Variants in MYO18B observed in about 807,000 individuals in gnomAD.
MYO18B encodes myosin XVIIIB.
Under a neutral mutation model 273.0 loss-of-function variants are expected in MYO18B, and 204 were observed. That is an observed-to-expected ratio of 0.75 (90% CI 0.67 to 0.84). The LOEUF (loss-of-function observed/expected upper bound fraction) is 0.84, where lower values mean the gene tolerates loss of function less well. Among genes scored for constraint, MYO18B ranks in the 40% least tolerant of loss-of-function variants. The probability of loss-of-function intolerance (pLI) is 0.00; values close to 1 mark genes in which losing one functional copy is unlikely to be tolerated. For synonymous variants in MYO18B, 1,330 were observed against 1,305.7 expected, an observed-to-expected ratio of 1.02 and a Z score of -0.40; for missense variants, 3,212 against 3,287.6, an observed-to-expected ratio of 0.98 and a Z score of 0.56.
chr22:26,016,370 C>G (rs1935325769), intron 42 of MYO18B, among the ~76,000 whole-genome samples: 1 of 150,974 alleles, frequency 6.6e-6, no homozygotes, highest in Non-Finnish European at 1.5e-5. Flanking sequence ...GGGTTCAAAC[C>G]AGATGAGGCC....
At position 25,768,463 on chromosome 22, in the gene MYO18B, C is replaced by G; in HGVS notation, c.547C>G (p.Pro183Ala). Residue 183 changes from proline to alanine, a missense_variant, in exon 4 of 44, where the codon CCC (proline) becomes GCC (alanine). Physicochemically the swap from Pro to Ala is conservative, Grantham distance 27. Transcript: ENST00000335473. ...CGCCCCCCCTTGCAAGACCTCTCCC[C>G]CCGCCACAGATACTGGAAAGGAAAA... is the stretch of plus-strand genomic sequence containing the variant. The part of the protein sequence containing the change: ...HDAPPCKTSP[P>A]ATDTGKEKKG... 6.3e-7 allele frequency: 1 copy of G among 1,594,934 alleles called. No individual in the cohort carries two copies. The highest frequency in any genetic ancestry group is 8.6e-7 in the Non-Finnish European group (1 of 1,165,110).
intron 12 of MYO18B, among the ~76,000 whole-genome samples, chr22:25,802,466 C>G (rs113994913): frequency 0.022 from 3,416 of 152,170 alleles, 106 homozygotes; most frequent in African/African-American, 0.072. Context: ...AATCCTATAG[C>G]TGGGCCAGGC....
chr22:25,805,991 G>A (rs1323363374), intron 12 of MYO18B, among the ~76,000 whole-genome samples: 1 of 152,160 alleles, frequency 6.6e-6, no homozygotes, highest in Non-Finnish European at 1.5e-5. Context: ...TTGATTATTG[G>A]ATTAATGTCT....
At chr22:25,945,684 C>T (rs1048492448) in intron 34 of MYO18B, among the ~76,000 whole-genome samples, 2 of 122,066 alleles carry the variant, frequency 1.6e-5, no homozygotes, top group African/African-American at 5.9e-5. Flanking sequence ...GGAGGCCTCT[C>T]CTCTCCCCTC....
At chr22:25,766,320 TGGTGATATAG>T (rs2086504775) in intron 3 of MYO18B, among the ~76,000 whole-genome samples, 4 of 152,204 alleles carry the variant, frequency 2.6e-5, no homozygotes, top group Non-Finnish European at 4.4e-5. Context: ...GATTGCATGA[TGGTGATATAG>T]GGCTCATTGC....
intron 25 of MYO18B, among the ~76,000 whole-genome samples, chr22:25,882,059 C>G (rs1271991424): frequency 6.6e-5 from 10 of 152,132 alleles, no homozygotes; most frequent in Admixed American, 3.9e-4. Context: ...CTAAGAAGCC[C>G]TCTTCAACAC....
At chr22:25,847,870 G>A (rs2090302504) in intron 20 of MYO18B, among the ~76,000 whole-genome samples, 1 of 151,918 alleles carries the variant, frequency 6.6e-6, no homozygotes, top group South Asian at 2.1e-4. Flanking sequence ...GGCAGAGCCT[G>A]GATCAGGACC....
intron 33 of MYO18B, among the ~76,000 whole-genome samples, chr22:25,913,536 T>TTG (rs1397916243): frequency 3.9e-5 from 6 of 152,020 alleles, no homozygotes; most frequent in African/African-American, 1.4e-4. Context: ...GCTAATTTTT[T>TTG]TGTGTGTATT....
At chr22:25,906,494 G>C (rs1187286736) in intron 31 of MYO18B, among the ~76,000 whole-genome samples, 1 of 152,178 alleles carries the variant, frequency 6.6e-6, no homozygotes, top group Non-Finnish European at 1.5e-5. Flanking sequence ...CATTTTAAAA[G>C]ACCCAGATTG....
At chr22:25,954,199 C>T (rs909086036) in intron 38 of MYO18B, among the ~76,000 whole-genome samples, 1 of 152,100 alleles carries the variant, frequency 6.6e-6, no homozygotes, top group Non-Finnish European at 1.5e-5. Flanking sequence ...GTGTGGCACT[C>T]GTGATGGCCA....
chr22:25,921,209 G>A (rs1297009466), intron 33 of MYO18B, 48 bp from the exon 34 acceptor site: 5 of 1,521,268 alleles, frequency 3.3e-6, no homozygotes, highest in Non-Finnish European at 3.5e-6. Context: ...CTTAGACCCT[G>A]GCCACTGCTT....
At position 26,001,868 on chromosome 22, in the gene MYO18B, A is replaced by G. The variant is rs141940747; in HGVS notation, c.6288-1397A>G. Among the ~76,000 whole-genome samples, 558 of 152,334 alleles carry G rather than the reference A, an allele frequency of 3.7e-3. 1 individual carries two copies. Among genetic ancestry groups the G allele is most frequent in the African/African-American group, 0.013 (532 of 41,566 alleles). On this transcript the variant is annotated intron_variant, in intron 40 of 43. Transcript: ENST00000335473. ...GAGTCAGCCAGGGTAAATAGTAAAC[A>G]AGAACTAACACCAGTGTGTGCTTTG... is the stretch of plus-strand genomic sequence containing the variant.
intron 11 of MYO18B, among the ~76,000 whole-genome samples, chr22:25,789,378 G>C (rs928830576): frequency 2.2e-4 from 33 of 152,208 alleles, no homozygotes; most frequent in Admixed American, 1.9e-3. Flanking sequence ...GCTCACACCT[G>C]TAATCCCAGC....
chr22:26,013,767 C>G (rs1240419391), intron 42 of MYO18B, among the ~76,000 whole-genome samples: 1 of 152,176 alleles, frequency 6.6e-6, no homozygotes, highest in East Asian at 1.9e-4. Context: ...GGTAAATAAA[C>G]CTTTTTATAT....
chr22:26,045,581 G>C, the MYO18B span, among the ~76,000 whole-genome samples: 1 of 152,166 alleles, frequency 6.6e-6, no homozygotes, highest in African/African-American at 2.4e-5. Flanking sequence ...GGGCAGAACA[G>C]CCAGGCTCTG....
intron 1 of MYO18B, among the ~76,000 whole-genome samples, chr22:25,755,691 C>G (rs918420616): frequency 2.6e-5 from 4 of 152,158 alleles, no homozygotes; most frequent in Non-Finnish European, 5.9e-5. Flanking sequence ...AGTTCTTGCT[C>G]TATTTGTTCA....
chr22:25,800,037 CA>C (rs148430323), intron 12 of MYO18B, among the ~76,000 whole-genome samples: 3,192 of 152,234 alleles, frequency 0.021, 72 homozygotes, highest in East Asian at 0.098. Context: ...ATGTCTTTTG[CA>C]GCAACTTGGA....
chr22:25,891,752 C>A (rs111918610), intron 27 of MYO18B, among the ~76,000 whole-genome samples: 2 of 152,100 alleles, frequency 1.3e-5, no homozygotes, highest in Non-Finnish European at 1.5e-5. Context: ...AGAGGCCTGG[C>A]GTGGTGGCTC....
intron 42 of MYO18B, among the ~76,000 whole-genome samples, chr22:26,019,391 G>T (rs988510876): frequency 2.0e-5 from 3 of 152,218 alleles, no homozygotes; most frequent in Non-Finnish European, 4.4e-5. Context: ...CTGAGCCTCA[G>T]TTCTGACTTG....
Sources: gnomAD v4.1 joint callset for allele counts (sites outside exome capture counted in the v4.1 genomes callset) on GRCh38, gnomAD v4.1.1 for gene constraint, MANE v1.5 for transcripts, NCBI Gene and HGNC (gene_info 2026-07-23, HGNC 2026-07-21) for gene names.